Variants in GIT1 observed in about 807,000 individuals in gnomAD.
GIT1 encodes the protein ARF GTPase-activating protein GIT1.
Under a neutral mutation model 91.7 loss-of-function variants are expected in GIT1, and 14 were observed. The observed-to-expected ratio is 0.15, with a 90% CI of 0.10 to 0.24. The LOEUF (loss-of-function observed/expected upper bound fraction) is 0.24, where lower values mean the gene tolerates loss of function less well. GIT1 is among the 10% of genes least tolerant of loss of function. GIT1 has a pLI of 1.00. For missense variants in GIT1, 717 were observed against 1,024.9 expected (o/e 0.70, Z 4.10); for synonymous variants, 414 against 418.2 (o/e 0.99, Z 0.12).
chr17:29,576,895 T>G lies in GIT1; in HGVS notation c.1195A>C (p.Ser399Arg), dbSNP rs2033227205. Reference protein sequence around the residue: ...DEDTDQEPLRSTGATRSNRAR... With the variant: ...DEDTDQEPLRRTGATRSNRAR... ...CGGTTGCTCCGAGTGGCGCCGGTGC[T>G]GCGCAGGGGCTCCTGGTCTGTGTCC... Residue 399 changes from serine to arginine, a missense_variant, in exon 12 of 20, where the codon AGC becomes CGC. Physicochemically the swap from Ser to Arg is moderately radical, Grantham distance 110. This residue lies in a region of GIT1 where 312 missense variants were observed against 349.5 expected (regional missense o/e 0.89). Transcript: ENST00000225394. 6.3e-7 allele frequency: 1 copy of G among 1,576,802 alleles called. No homozygotes were observed. The highest frequency in any genetic ancestry group is 2.3e-5 in the East Asian group (1 of 43,148).
At chr17:29,585,843 C>T (rs1024197577) in intron 1 of GIT1, among the ~76,000 whole-genome samples, 7 of 152,020 alleles carry the variant, frequency 4.6e-5, no homozygotes, top group African/African-American at 1.7e-4. Flanking sequence ...CCTCCCCCTG[C>T]GCTTCTGGCT....
intron 1 of GIT1, among the ~76,000 whole-genome samples, chr17:29,585,522 G>A: frequency 6.6e-6 from 1 of 152,292 alleles, no homozygotes; most frequent in East Asian, 1.9e-4. Flanking sequence ...CAGGATGCAG[G>A]AGTGTGGTCC....
At position 29,575,480 on chromosome 17, in the gene GIT1, A is replaced by G. The variant is rs1417197623; in HGVS notation, c.1827-10T>C. 1 of 1,595,572 alleles carries G rather than the reference A, an allele frequency of 6.3e-7. No homozygotes were observed. ...CCTCTTCCCTTCCAGCCTGAGGCCC[A>G]GGTCCAGAAAACAGAGACAAAGATA... On this transcript the variant is annotated splice_polypyrimidine_tract_variant and intron_variant, in intron 17 of 19. Transcript: ENST00000225394. The surrounding 1 kb of genome is among the most constrained non-coding windows in gnomAD (Gnocchi z 5.5).
In GIT1 at chr17:29,575,290, G is replaced by A; in HGVS notation, c.2007C>T (p.Asp669=). Residue 669 remains aspartate (D), a splice_region_variant and synonymous_variant, in exon 18 of 20, where the codon GAC becomes GAT. Coordinates refer to ENST00000225394, the MANE Select transcript of GIT1 (RefSeq NM_014030.4). This position sits in a 1 kb window ranked among gnomAD's most constrained non-coding sequence, Gnocchi z 5.5. ...TCACCTCCCCCTCCACTCAGTACCT[G>A]TCATGCTTGAACTCCTGGGCTGCCC... ...LLRAAQEFKH[D]SFVPCSEKIH... is the part of the protein sequence containing the mutation. 2 of 1,610,960 alleles carry A rather than the reference G, an allele frequency of 1.2e-6. No homozygotes were observed. The highest frequency in any genetic ancestry group is 1.7e-4 in the Middle Eastern group (1 of 5,864).
rs753036623 is a variant in GIT1, at chr17:29,576,610, T to G, written c.1292A>C (p.Lys431Thr). The change falls in exon 13 of 20, where the codon AAG becomes ACG. Residue 431 changes from lysine (K) to threonine (T), a missense_variant. Coordinates refer to ENST00000225394, the MANE Select transcript of GIT1 (RefSeq NM_014030.4). ...VTLQEYLELK[K>T]ALATSEAKVQ... Reference sequence around the variant, plus strand: ...CTTTGCCTCCGATGTAGCCAGGGCCTTCTTCAGCTCCAGGTACTCCTGCAG... The same window carrying G: ...CTTTGCCTCCGATGTAGCCAGGGCCGTCTTCAGCTCCAGGTACTCCTGCAG... 4.3e-6 allele frequency: 7 copies of G among 1,613,920 alleles called. No homozygotes were observed. Among genetic ancestry groups the G allele is most frequent in the African/African-American group, 2.7e-5 (2 of 74,920 alleles).
At chr17:29,580,850 G>A (rs572591448) in intron 7 of GIT1, among the ~76,000 whole-genome samples, 153 of 151,146 alleles carry the variant, frequency 1.0e-3, no homozygotes, top group Middle Eastern at 3.4e-3. Flanking sequence ...GCGTGCTCTC[G>A]GCTCACCGCA....
chr17:29,575,237 C>A lies in GIT1; in HGVS notation c.2009+51G>T. ...GGCCCCTCATGCTCTCTGCAACACC[C>A]TAGAAGCCAACAGGAACTGCATCCC... On this transcript the variant is annotated intron_variant, in intron 18 of 19. Coordinates refer to ENST00000225394, the MANE Select transcript of GIT1 (RefSeq NM_014030.4). This position sits in a 1 kb window ranked among gnomAD's most constrained non-coding sequence, Gnocchi z 5.5. The A allele has an allele frequency of 6.3e-7, 1 of 1,577,904 alleles. No homozygotes were observed. Among genetic ancestry groups the A allele is most frequent in the Admixed American group, 1.7e-5 (1 of 58,118 alleles).
chr17:29,578,531 A>G (rs2033291300), intron 8 of GIT1, among the ~76,000 whole-genome samples, 160 bp from the exon 9 acceptor site: 1 of 152,206 alleles, frequency 6.6e-6, no homozygotes, highest in Non-Finnish European at 1.5e-5. Flanking sequence ...ATCATGTTCC[A>G]AACTCCAAGG....
In GIT1 at chr17:29,589,237, C is replaced by T. The variant is rs1336123949; in HGVS notation, c.52+90G>A. 2.8e-6 allele frequency: 1 copy of T among 354,650 alleles called. No individual in the cohort carries two copies. The highest frequency in any genetic ancestry group is 4.0e-6 in the Non-Finnish European group (1 of 251,752). The allele number at this position is 354,650 out of a possible 1,614,324, so 22.0% of individuals were successfully genotyped here. On this transcript the variant is annotated intron_variant, in intron 1 of 19. Coordinates refer to ENST00000225394, the MANE Select transcript of GIT1 (RefSeq NM_014030.4). The surrounding 1 kb of genome is among the most constrained non-coding windows in gnomAD (Gnocchi z 5.2). ...GCAGCCCCCCGCCCCGCCCAGCCCTCCGGCCCCGCACAGCGCTCTTGCCAG... is the reference window on the plus strand; with the variant it reads ...GCAGCCCCCCGCCCCGCCCAGCCCTTCGGCCCCGCACAGCGCTCTTGCCAG...
intron 7 of GIT1, among the ~76,000 whole-genome samples, chr17:29,579,912 T>G (rs760690323): frequency 1.3e-5 from 2 of 151,982 alleles, no homozygotes; most frequent in African/African-American, 4.8e-5. Context: ...AACTCTCCGC[T>G]CTCGGGATGG....
chr17:29,580,480 G>A (rs2033359806), intron 7 of GIT1, among the ~76,000 whole-genome samples: 1 of 152,206 alleles, frequency 6.6e-6, no homozygotes, highest in African/African-American at 2.4e-5. Context: ...GGCCATCAGA[G>A]GTGGCCACCA....
At chr17:29,576,747 G>A in intron 12 of GIT1, 73 bp from the exon 13 acceptor site, 1 of 1,595,828 alleles carries the variant, frequency 6.3e-7, no homozygotes, top group Non-Finnish European at 8.6e-7. Flanking sequence ...CAGTTATTGA[G>A]GCTAGGAGCA....
chr17:29,586,822 G>T (rs2033609163), intron 1 of GIT1, among the ~76,000 whole-genome samples: 1 of 152,182 alleles, frequency 6.6e-6, no homozygotes, highest in South Asian at 2.1e-4. Flanking sequence ...ATTCTCCAGG[G>T]CTCCCTGCCC....
At chr17:29,578,852 C>G in intron 7 of GIT1, 73 bp from the exon 8 acceptor site, 1 of 1,567,346 alleles carries the variant, frequency 6.4e-7, no homozygotes, top group Non-Finnish European at 8.8e-7. Context: ...TGCCAGCAAC[C>G]TCCCCAACAT....
Position 29,589,449 on chromosome 17 carries a change from C to T in GIT1, c.-71G>A. On this transcript the variant is annotated 5_prime_UTR_variant, in exon 1 of 20. Transcript: ENST00000225394. The surrounding 1 kb of genome is among the most constrained non-coding windows in gnomAD (Gnocchi z 5.2). ...CGCGGGCGGCGGGCCCGGGCGGCGG[C>T]GGCGGCCCCTGCTGCCCGGCCCGGC... is the stretch of plus-strand genomic sequence containing the variant. The T allele has an allele frequency of 1.7e-6, 1 of 596,828 alleles. No homozygotes were observed. Among genetic ancestry groups the T allele is most frequent in the Non-Finnish European group, 2.1e-6 (1 of 477,104 alleles). 37.0% of individuals were successfully genotyped at this position (596,828 alleles called of 1,614,324 possible).
Position 29,582,915 on chromosome 17 carries a change from C to T in GIT1, c.299+10G>A, listed in dbSNP as rs1317631300. On this transcript the variant is annotated intron_variant, in intron 3 of 19. Transcript: ENST00000225394. Reference sequence around the variant, plus strand: ...CAGTCTCTGCCCACCACCCCTCCAGCCCCACTCACTGGACTTTGTCTTGGG... The same window carrying T: ...CAGTCTCTGCCCACCACCCCTCCAGTCCCACTCACTGGACTTTGTCTTGGG... 3 of 1,592,914 alleles carry T rather than the reference C, an allele frequency of 1.9e-6. No homozygotes were observed. Among genetic ancestry groups the T allele is most frequent in the Non-Finnish European group, 2.6e-6 (3 of 1,161,914 alleles).
rs201328868 is a variant in GIT1, at chr17:29,582,001, G to A, written c.549C>T (p.Ala183=). The A allele has an allele frequency of 2.2e-5, 36 of 1,612,734 alleles. No individual in the cohort carries two copies. In the East Asian group the frequency reaches 4.9e-4, roughly 22 times the overall value. ...CAGCCCCATACACTACAAGCAGCTCGGCCTGCAGTGTCTGTCCTGCCTTGG... is the reference window on the plus strand; with the variant it reads ...CAGCCCCATACACTACAAGCAGCTCAGCCTGCAGTGTCTGTCCTGCCTTGG... ...VAAKAGQTLQ[A]ELLVVYGADP... The change falls in exon 5 of 20, where the codon GCC becomes GCT. Residue 183 remains alanine, a synonymous_variant. Transcript: ENST00000225394.
At position 29,578,875 on chromosome 17, in the gene GIT1, G is replaced by A. The variant is rs1179317163; in HGVS notation, c.762-96C>T. On this transcript the variant is annotated intron_variant, in intron 7 of 19. Transcript: ENST00000225394. ...ACCTCCCCAACATGCAGGGATCCCGGGGAGATGGCACCCCAGATGCTGCAC... is the reference window on the plus strand; with the variant it reads ...ACCTCCCCAACATGCAGGGATCCCGAGGAGATGGCACCCCAGATGCTGCAC... 4.5e-6 allele frequency: 7 copies of A among 1,562,982 alleles called. No individual in the cohort carries two copies. The East Asian group carries it at 1.3e-4, about 30-fold the overall frequency.
Position 29,578,598 on chromosome 17 carries a change from T to C in GIT1, c.810+133A>G, listed in dbSNP as rs1251515209. On this transcript the variant is annotated intron_variant, in intron 8 of 19. Coordinates refer to ENST00000225394, the MANE Select transcript of GIT1 (RefSeq NM_014030.4). Reference sequence around the variant, plus strand: ...AGGGAGGTCAGGGAGAGGGGACTGCTGAGGCCAGTGAGGGGACAGGTCAAA... The same window carrying C: ...AGGGAGGTCAGGGAGAGGGGACTGCCGAGGCCAGTGAGGGGACAGGTCAAA... The C allele has an allele frequency of 8.9e-6, 8 of 902,356 alleles. 1 individual carries two copies. The highest frequency in any genetic ancestry group is 3.3e-5 in the African/African-American group (2 of 61,404). The allele number at this position is 902,356 out of a possible 1,614,324, so 55.9% of individuals were successfully genotyped here. A position where few individuals can be genotyped will look rare whatever the true frequency, so the allele number is the denominator to read the frequency against.
Sources: gnomAD v4.1 joint callset for allele counts (sites outside exome capture counted in the v4.1 genomes callset) on GRCh38, gnomAD v4.1.1 for gene constraint, gnomAD v4.1.1 regional missense constraint, Gnocchi (gnomAD v3.1) non-coding constraint, MANE v1.5 for transcripts, NCBI Gene and HGNC (gene_info 2026-07-23, HGNC 2026-07-21) for gene names.